CCDC178: variants seen among roughly 807,000 people sequenced by gnomAD.
CCDC178 encodes the protein coiled-coil domain containing 178.
A neutral mutation model predicts 117.4 loss-of-function variants in CCDC178; 126 were observed. The observed-to-expected ratio is 1.07, with a 90% CI of 0.93 to 1.24. CCDC178 has a LOEUF of 1.24. CCDC178 is among the 50% of genes most tolerant of loss of function. The probability of loss-of-function intolerance (pLI) is 0.00; values close to 1 mark genes in which losing one functional copy is unlikely to be tolerated. For missense variants in CCDC178, 1,030 were observed against 986.9 expected (o/e 1.04, Z -0.59); for synonymous variants, 283 against 313.4 (o/e 0.90, Z 1.02).
intron 22 of CCDC178, among the ~76,000 whole-genome samples, chr18:32,942,666 C>T (rs749570759): frequency 6.6e-6 from 1 of 151,992 alleles, no homozygotes; most frequent in Non-Finnish European, 1.5e-5. Flanking sequence ...CTTATAAAAG[C>T]TATATTTCAG....
intron 20 of CCDC178, among the ~76,000 whole-genome samples, chr18:33,119,512 G>A (rs1209328159): frequency 2.6e-5 from 4 of 152,022 alleles, no homozygotes; most frequent in Admixed American, 1.3e-4. Context: ...TTACAATGGC[G>A]ATCATTAAAA....
chr18:33,358,473 G>A (rs947067918), intron 6 of CCDC178, among the ~76,000 whole-genome samples: 1 of 151,814 alleles, frequency 6.6e-6, no homozygotes. Context: ...GAACAGGCCA[G>A]AAATAGGTAA....
At chr18:33,289,497 C>T (rs763433276) in intron 12 of CCDC178, among the ~76,000 whole-genome samples, 50 of 152,012 alleles carry the variant, frequency 3.3e-4, no homozygotes, top group Middle Eastern at 3.4e-3. Flanking sequence ...ACCTGTAATC[C>T]CAGCTACTGG....
At chr18:33,321,078 C>A (rs911383014) in intron 11 of CCDC178, among the ~76,000 whole-genome samples, 3 of 152,128 alleles carry the variant, frequency 2.0e-5, no homozygotes, top group African/African-American at 4.8e-5. Flanking sequence ...ACACCTTATA[C>A]AAAAATTAAT....
chr18:33,397,439 G>A (rs564570585), intron 3 of CCDC178, among the ~76,000 whole-genome samples: 1 of 152,228 alleles, frequency 6.6e-6, no homozygotes, highest in Non-Finnish European at 1.5e-5. Context: ...AAAATGGAAA[G>A]TCATCTTGGG....
intron 5 of CCDC178, among the ~76,000 whole-genome samples, chr18:33,382,068 T>C (rs2063444734): frequency 6.6e-6 from 1 of 152,184 alleles, no homozygotes; most frequent in South Asian, 2.1e-4. Context: ...CTTAAACTTG[T>C]ATTCAAGATT....
intron 15 of CCDC178, among the ~76,000 whole-genome samples, chr18:33,231,304 G>T (rs748635737): frequency 1.3e-5 from 2 of 151,988 alleles, no homozygotes; most frequent in Non-Finnish European, 2.9e-5. Flanking sequence ...AAAGTAACTG[G>T]CCTAGACTCT....
At chr18:33,289,367 C>G (rs773588505) in intron 12 of CCDC178, among the ~76,000 whole-genome samples, 2 of 152,006 alleles carry the variant, frequency 1.3e-5, no homozygotes, top group African/African-American at 2.4e-5. Flanking sequence ...GTAATCCCAG[C>G]GCTTTGGAAG....
intron 22 of CCDC178, among the ~76,000 whole-genome samples, chr18:32,953,377 C>A (rs1316340132): frequency 1.3e-5 from 2 of 152,136 alleles, no homozygotes; most frequent in Non-Finnish European, 2.9e-5. Flanking sequence ...CCATGTCTTC[C>A]TATCTTCTGA....
chr18:33,095,072 T>C (rs2145082244), intron 20 of CCDC178, among the ~76,000 whole-genome samples: 1 of 152,160 alleles, frequency 6.6e-6, no homozygotes, highest in South Asian at 2.1e-4. Context: ...TGGGGAATGA[T>C]AATTATTGGT....
chr18:33,163,332 A>T, intron 20 of CCDC178, among the ~76,000 whole-genome samples: 1 of 152,184 alleles, frequency 6.6e-6, no homozygotes, highest in East Asian at 1.9e-4. Context: ...ACACTCAATG[A>T]CTAAGCCAGG....
In CCDC178 at chr18:33,296,380, T is replaced by G. The variant is rs77167266; in HGVS notation, c.1023-3068A>C. 6.6e-5 allele frequency among the ~76,000 whole-genome samples: 10 copies of G among 151,844 alleles called. No individual in the cohort carries two copies. In the East Asian group the frequency reaches 1.9e-3, roughly 29 times the overall value. On this transcript the variant is annotated intron_variant, in intron 11 of 22. Transcript: ENST00000383096. Reference sequence around the variant, plus strand: ...TGAATCTATACGAGATAAAATGGCATATAATAATAAACACACACACACATA... The same window carrying G: ...TGAATCTATACGAGATAAAATGGCAGATAATAATAAACACACACACACATA...
chr18:33,174,461 A>G (rs2058640042), intron 20 of CCDC178, among the ~76,000 whole-genome samples: 1 of 152,166 alleles, frequency 6.6e-6, no homozygotes, highest in Non-Finnish European at 1.5e-5. Context: ...CTTAAATGTT[A>G]TATTTATATT....
chr18:33,267,151 T>A, intron 13 of CCDC178, 51 bp downstream of exon 13: 1 of 1,537,114 alleles, frequency 6.5e-7, no homozygotes, highest in Admixed American at 2.1e-5. Context: ...AGTTAATATT[T>A]GGAAATAGAA....
At chr18:33,346,123 G>A (rs1446991343) in intron 9 of CCDC178, 88 bp downstream of exon 9, 26 of 1,019,258 alleles carry the variant, frequency 2.6e-5, no homozygotes, top group African/African-American at 3.3e-5. Flanking sequence ...ATGGCACTAA[G>A]ACAATTTTTT....
At position 33,435,371 on chromosome 18, in the gene CCDC178, A is replaced by G. The variant is rs1318747242; in HGVS notation, c.-23+4591T>C. Among the ~76,000 whole-genome samples the G allele has an allele frequency of 2.0e-5, 3 of 152,152 alleles. No individual in the cohort carries two copies. The East Asian group carries it at 5.8e-4, about 29-fold the overall frequency. On this transcript the variant is annotated intron_variant, in intron 2 of 22. Transcript: ENST00000383096. ...CTATGATTGCAGAAAAGTCTTTTGGACAGTGTTGTTTTAGAGCATGTAAGC... is the reference window on the plus strand; with the variant it reads ...CTATGATTGCAGAAAAGTCTTTTGGGCAGTGTTGTTTTAGAGCATGTAAGC...
At chr18:32,971,686 T>TG (rs760118976) in intron 22 of CCDC178, among the ~76,000 whole-genome samples, 27 of 152,184 alleles carry the variant, frequency 1.8e-4, no homozygotes, top group Admixed American at 2.0e-4. Context: ...CCAGTATCTA[T>TG]GGTTTCCTGA....
chr18:33,096,272 GA>G (rs896226904), intron 20 of CCDC178, among the ~76,000 whole-genome samples: 1 of 139,790 alleles, frequency 7.2e-6, no homozygotes, highest in Non-Finnish European at 1.5e-5. Context: ...TTCTTTTTGG[GA>G]AAAAAATGTA....
rs1021057727 is a variant in CCDC178 at position 32,948,390 on chromosome 18, T to A, written c.2524-10299A>T. On this transcript the variant is annotated intron_variant, in intron 22 of 22. Coordinates refer to ENST00000383096, the MANE Select transcript of CCDC178 (RefSeq NM_001105528.4). ...ATTTCTCTCAGAAATGTAGTTTAAT[T>A]TTCTTTTGTGGCACAGAAGTATAAA... is the stretch of plus-strand genomic sequence containing the variant. Among the ~76,000 whole-genome samples the A allele has an allele frequency of 2.0e-5, 3 of 152,192 alleles. No individual in the cohort carries two copies. The South Asian group carries it at 6.2e-4, about 32-fold the overall frequency.
Sources: gnomAD v4.1 joint callset for allele counts (sites outside exome capture counted in the v4.1 genomes callset) on GRCh38, gnomAD v4.1.1 for gene constraint, MANE v1.5 for transcripts, NCBI Gene and HGNC (gene_info 2026-07-23, HGNC 2026-07-21) for gene names.